Variants in SUZ12 observed in about 807,000 individuals in gnomAD.
SUZ12 encodes the protein SUZ12 polycomb repressive complex 2 subunit.
In SUZ12, 17 loss-of-function variants were observed where a neutral mutation model predicts 87.3. That is an observed-to-expected ratio of 0.19 (90% CI 0.13 to 0.29). The LOEUF is 0.29. Ranked by LOEUF, SUZ12 falls within the 10% of genes least tolerant of loss-of-function variation. The probability of loss-of-function intolerance (pLI) is 1.00; values close to 1 mark genes in which losing one functional copy is unlikely to be tolerated. For missense variants in SUZ12, 526 were observed against 912.2 expected (o/e 0.58, Z 5.45); for synonymous variants, 253 against 312.4 (o/e 0.81, Z 2.01).
At chr17:31,988,576 G>T in intron 10 of SUZ12, 79 bp downstream of exon 10, 16 of 1,313,258 alleles carry the variant, frequency 1.2e-5, no homozygotes, top group Middle Eastern at 2.2e-4. Flanking sequence ...ATTCATTTGT[G>T]TTTTGCTTTA....
At chr17:31,940,560 TA>T (rs58826220) in intron 3 of SUZ12, 74 bp downstream of exon 3, 30,536 of 1,151,372 alleles carry the variant, frequency 0.027, 1,663 homozygotes, top group African/African-American at 0.25. Flanking sequence ...TTCTCAAAAT[TA>T]AAAAAAAAAA....
In SUZ12 at chr17:31,999,050, G is replaced by C. The variant is rs1206850998; in HGVS notation, c.*47G>C. The C allele has an allele frequency of 3.5e-6, 5 of 1,424,566 alleles. No individual in the cohort carries two copies. The highest frequency in any genetic ancestry group is 3.7e-6 in the Non-Finnish European group (4 of 1,071,470). The allele number at this position is 1,424,566 out of a possible 1,614,324, so 88.2% of individuals were successfully genotyped here. On this transcript the variant is annotated 3_prime_UTR_variant, in exon 16 of 16. Transcript: ENST00000322652. ...GGACAAACACTGAAATTACATTTTA[G>C]GGAATTCATCCTCTAAGAATTATGT...
intron 10 of SUZ12, among the ~76,000 whole-genome samples, chr17:31,989,033 A>G (rs774294880): frequency 1.1e-4 from 16 of 151,768 alleles, no homozygotes; most frequent in Non-Finnish European, 2.2e-4. Context: ...GCACCACTGC[A>G]CTCCAGCCTG....
Position 31,937,390 on chromosome 17 carries a change from G to A in SUZ12, c.144G>A (p.Gly48=). Residue 48 remains glycine (G), a synonymous_variant, in exon 1 of 16, where the codon GGG becomes GGA. Coordinates refer to ENST00000322652, the MANE Select transcript of SUZ12 (RefSeq NM_015355.4). ...GGKSGGGSCG[G]GGSYSASSSS... ...AATCCGGCGGCGGGAGCTGTGGAGG[G>A]GGTGGCAGTTACTCGGCCTCCTCCT... is the stretch of plus-strand genomic sequence containing the variant. 6.5e-7 allele frequency: 1 copy of A among 1,537,466 alleles called. No individual in the cohort carries two copies. The highest frequency in any genetic ancestry group is 8.7e-7 in the Non-Finnish European group (1 of 1,142,916).
intron 5 of SUZ12, among the ~76,000 whole-genome samples, chr17:31,969,044 C>A (rs529823057): frequency 6.6e-6 from 1 of 152,294 alleles, no homozygotes; most frequent in East Asian, 1.9e-4. Flanking sequence ...GTAGTTTGAT[C>A]TCAGATCACT....
intron 8 of SUZ12, among the ~76,000 whole-genome samples, chr17:31,979,124 A>AAAAAAG (rs1258459347): frequency 2.1e-5 from 3 of 143,350 alleles, no homozygotes; most frequent in Non-Finnish European, 4.5e-5. Flanking sequence ...AAAAAAAAAA[A>AAAAAAG]AGAATTCAAA....
intron 4 of SUZ12, 44 bp downstream of exon 4, chr17:31,947,729 A>G: frequency 1.3e-6 from 2 of 1,553,540 alleles, no homozygotes; most frequent in Non-Finnish European, 1.7e-6. Context: ...TACTTTAGGA[A>G]AGAGGAAAAA....
intron 10 of SUZ12, among the ~76,000 whole-genome samples, chr17:31,992,449 G>A (rs868696129): frequency 2.0e-5 from 3 of 152,046 alleles, no homozygotes; most frequent in East Asian, 3.9e-4. Context: ...TTCCTCAGTC[G>A]CCCAGGCTGG....
chr17:31,993,822 T>C (rs1909840223), intron 11 of SUZ12, 43 bp from the exon 12 acceptor site: 1 of 1,552,666 alleles, frequency 6.4e-7, no homozygotes, highest in Admixed American at 2.1e-5. Context: ...TATCTTGTTA[T>C]GCGTAAATTG....
intron 8 of SUZ12, among the ~76,000 whole-genome samples, chr17:31,980,931 C>T (rs1909067020): frequency 6.6e-6 from 1 of 151,786 alleles, no homozygotes; most frequent in African/African-American, 2.4e-5. Context: ...CTTTGGAAGA[C>T]CAAGGTGAGA....
chr17:31,956,714 C>T (rs1907361013), intron 4 of SUZ12, among the ~76,000 whole-genome samples: 1 of 151,720 alleles, frequency 6.6e-6, no homozygotes, highest in Non-Finnish European at 1.5e-5. Context: ...TCATTAAATT[C>T]TTAAATTATT....
chr17:31,966,482 G>T, intron 5 of SUZ12: 2 of 283,772 alleles, frequency 7.0e-6, no homozygotes, highest in Non-Finnish European at 1.3e-5. Context: ...TGAGTAGCTG[G>T]GATTACAGGC....
Position 31,973,180 on chromosome 17 carries a change from T to A in SUZ12, c.540T>A (p.Asn180Lys), listed in dbSNP as rs1908537049. 6.4e-6 allele frequency: 10 copies of A among 1,557,758 alleles called. No homozygotes were observed. Among genetic ancestry groups the A allele is most frequent in the Non-Finnish European group, 8.6e-6 (10 of 1,157,096 alleles). Residue 180 changes from asparagine to lysine, a missense_variant, in exon 6 of 16, where the codon AAT becomes AAA. By Grantham distance (94) the Asn-to-Lys change is moderately conservative. Around this residue, in one of 9 missense-constraint regions of SUZ12, gnomAD observed 49 missense variants for 73.2 expected, o/e 0.67. Transcript: ENST00000322652. Reference protein sequence around the residue: ...KPSPNSENEQNSVTLEVLLVK... With the variant: ...KPSPNSENEQKSVTLEVLLVK... Reference sequence around the variant, plus strand: ...CACCAAACTCAGAAAATGAACAAAATTCTGTTACCCTGGAAGTCCTGCTTG... The same window carrying A: ...CACCAAACTCAGAAAATGAACAAAAATCTGTTACCCTGGAAGTCCTGCTTG...
At chr17:31,990,877 A>G (rs1347343384) in intron 10 of SUZ12, among the ~76,000 whole-genome samples, 1 of 152,014 alleles carries the variant, frequency 6.6e-6, no homozygotes, top group Admixed American at 6.6e-5. Flanking sequence ...CCCTCCATAT[A>G]GATGGGACTA....
At chr17:31,962,183 C>T (rs1339126944) in intron 4 of SUZ12, among the ~76,000 whole-genome samples, 1 of 152,120 alleles carries the variant, frequency 6.6e-6, no homozygotes, top group Non-Finnish European at 1.5e-5. Context: ...TGCCTATAAT[C>T]GCAGCACTTG....
At chr17:31,977,804 G>A (rs1357520960) in intron 8 of SUZ12, among the ~76,000 whole-genome samples, 2 of 152,016 alleles carry the variant, frequency 1.3e-5, no homozygotes, top group African/African-American at 4.8e-5. Flanking sequence ...CAGGGGAATC[G>A]CTTGAACCTG....
At chr17:31,993,632 G>A (rs1909831537) in intron 11 of SUZ12, among the ~76,000 whole-genome samples, 1 of 152,040 alleles carries the variant, frequency 6.6e-6, no homozygotes, top group African/African-American at 2.4e-5. Flanking sequence ...TGTTGCCCAG[G>A]CTTGTCTTGA....
chr17:31,989,852 G>A (rs900348836), intron 10 of SUZ12, among the ~76,000 whole-genome samples: 4 of 150,364 alleles, frequency 2.7e-5, no homozygotes, highest in South Asian at 4.2e-4. Flanking sequence ...CTTGTGATCC[G>A]CCCGCCTTGG....
At chr17:31,941,020 AAAAC>A (rs1057450722) in intron 3 of SUZ12, among the ~76,000 whole-genome samples, 13 of 152,152 alleles carry the variant, frequency 8.5e-5, no homozygotes, top group African/African-American at 2.9e-4. Context: ...AAAGAAAAAA[AAAAC>A]AAAACTGATT....
Sources: allele counts gnomAD v4.1 joint callset (sites outside exome capture counted in the v4.1 genomes callset), GRCh38; gene constraint gnomAD v4.1.1; regional missense constraint gnomAD v4.1.1; transcripts MANE v1.5; gene names NCBI Gene and HGNC (gene_info 2026-07-23, HGNC 2026-07-21).